PAK3: variants seen among roughly 807,000 people sequenced by gnomAD.
PAK3 encodes p21 (RAC1) activated kinase 3.
PAK3 carries 4 observed loss-of-function variants against 41.0 expected under a neutral mutation model. The observed-to-expected ratio is 0.10, with a 90% confidence interval of 0.05 to 0.22. The LOEUF is 0.22. Ranked by LOEUF, PAK3 falls within the 10% of genes least tolerant of loss-of-function variation. The probability of loss-of-function intolerance (pLI) is 1.00; values close to 1 mark genes in which losing one functional copy is unlikely to be tolerated. For missense variants in PAK3, 205 were observed against 409.9 expected (o/e 0.50, Z 4.32); for synonymous variants, 146 against 139.6 (o/e 1.05, Z -0.32).
chrX:111,151,838 C>T (rs752072738), intron 7 of PAK3, among the ~76,000 whole-genome samples: 9 of 111,539 alleles, frequency 8.1e-5, no homozygotes, highest in Non-Finnish European at 9.4e-5. Context: ...GTGATAGCTC[C>T]GCAGTTGTTC....
At chrX:111,021,093 A>G (rs544179793) in intron 1 of PAK3, among the ~76,000 whole-genome samples, 1 of 111,815 alleles carries the variant, frequency 8.9e-6, no homozygotes, top group African/African-American at 3.3e-5. Context: ...GACAAATGTC[A>G]TAATCTCTTG....
Position 111,058,187 on chromosome X carries a change from G to C in PAK3, c.-27-64890G>C, listed in dbSNP as rs1259442110. 8.1e-5 allele frequency among the ~76,000 whole-genome samples: 9 copies of C among 111,539 alleles called. No homozygotes were observed. The East Asian group carries it at 2.6e-3, about 32-fold the overall frequency. On this transcript the variant is annotated intron_variant, in intron 1 of 14. Coordinates refer to the PAK3 transcript ENST00000425146. ...GGGCGTGTGTTTTCATTTCACTTGG[G>C]TATATACCTAGGAGTGAAATTGTTC...
chrX:111,197,998 T>C (rs1208710574), intron 16 of PAK3, among the ~76,000 whole-genome samples: 1 of 112,167 alleles, frequency 8.9e-6, no homozygotes, highest in Non-Finnish European at 1.9e-5. Context: ...CCTAGCCCCT[T>C]TTTGACTTTT....
intron 1 of PAK3, among the ~76,000 whole-genome samples, chrX:111,076,294 A>G (rs1386231616): frequency 2.7e-5 from 3 of 111,869 alleles, no homozygotes; most frequent in African/African-American, 9.8e-5. Context: ...TGTGATTCCA[A>G]TGTTGGAGGT....
intron 1 of PAK3, among the ~76,000 whole-genome samples, chrX:111,050,863 G>T (rs188522766): frequency 5.3e-5 from 6 of 112,252 alleles, no homozygotes; most frequent in East Asian, 2.8e-4. Flanking sequence ...GTTTGGTTTT[G>T]ATTGCAGGGC....
At chrX:111,062,027 C>T (rs1280208762) in intron 1 of PAK3, among the ~76,000 whole-genome samples, 2 of 110,941 alleles carry the variant, frequency 1.8e-5, no homozygotes, top group Non-Finnish European at 3.8e-5. Flanking sequence ...TATGTTGTCC[C>T]AGCTGAACTT....
intron 1 of PAK3, among the ~76,000 whole-genome samples, chrX:110,946,142 G>C (rs1381743537): frequency 2.7e-5 from 3 of 111,230 alleles, no homozygotes; most frequent in African/African-American, 9.8e-5. Context: ...ATCAAGAAAG[G>C]CTTCATGGGC....
At chrX:111,025,811 T>C in intron 1 of PAK3, among the ~76,000 whole-genome samples, 1 of 106,522 alleles carries the variant, frequency 9.4e-6, no homozygotes. Flanking sequence ...GACTAATACC[T>C]TAATACCAAA....
intron 6 of PAK3, among the ~76,000 whole-genome samples, chrX:111,143,603 T>G (rs953433664): frequency 1.8e-5 from 2 of 111,235 alleles, no homozygotes; most frequent in African/African-American, 6.5e-5. Flanking sequence ...CACACTTAGA[T>G]ACTCCAACCT....
chrX:111,161,378 A>G (rs2094185716), intron 8 of PAK3, among the ~76,000 whole-genome samples: 1 of 111,237 alleles, frequency 9.0e-6, no homozygotes, highest in Non-Finnish European at 1.9e-5. Flanking sequence ...CCTTTGTCAG[A>G]TGAGTAGGTT....
chrX:111,113,237 C>T (rs747027940), intron 4 of PAK3, among the ~76,000 whole-genome samples: 5 of 111,922 alleles, frequency 4.5e-5, no homozygotes, highest in African/African-American at 1.6e-4. Flanking sequence ...CCCTCCAAAG[C>T]ATCTTGTGCC....
At chrX:111,040,518 A>G (rs763064533) in intron 1 of PAK3, among the ~76,000 whole-genome samples, 1 of 111,949 alleles carries the variant, frequency 8.9e-6, no homozygotes, top group Admixed American at 9.5e-5. Context: ...GCAGTATGAC[A>G]GAGTGGTTAA....
At chrX:111,160,440 C>CATTTTGTTTTATTTT (rs756064562) in intron 8 of PAK3, among the ~76,000 whole-genome samples, 10 of 107,545 alleles carry the variant, frequency 9.3e-5, no homozygotes, top group African/African-American at 3.2e-4. Context: ...AGGCTAGCCA[C>CATTTTGTTTTATTTT]ATTTTATTTT....
chrX:111,083,340 C>T (rs749580650), intron 1 of PAK3, among the ~76,000 whole-genome samples: 2 of 112,433 alleles, frequency 1.8e-5, no homozygotes, highest in Non-Finnish European at 3.8e-5. Flanking sequence ...TCCCTTACCT[C>T]ATTCTGGTTC....
At chrX:111,166,059 C>T (rs181141797) in intron 10 of PAK3, among the ~76,000 whole-genome samples, 5 of 110,649 alleles carry the variant, frequency 4.5e-5, no homozygotes, top group South Asian at 3.9e-4. Flanking sequence ...GACTGCCAAC[C>T]TTACATTGGA....
intron 1 of PAK3, among the ~76,000 whole-genome samples, chrX:110,975,785 G>A (rs1305668200): frequency 9.0e-6 from 1 of 111,209 alleles, no homozygotes; most frequent in East Asian, 2.8e-4. Context: ...GAATAGAATA[G>A]AGGCCTCAGA....
At chrX:111,113,132 A>G (rs1395230423) in intron 4 of PAK3, among the ~76,000 whole-genome samples, 1 of 111,223 alleles carries the variant, frequency 9.0e-6, no homozygotes, top group Non-Finnish European at 1.9e-5. Flanking sequence ...CCTACCTTTC[A>G]AATCCTATTG....
chrX:111,018,991 G>A (rs2092131763), intron 1 of PAK3, among the ~76,000 whole-genome samples: 2 of 111,157 alleles, frequency 1.8e-5, no homozygotes, highest in East Asian at 2.8e-4. Flanking sequence ...CATTCAATAG[G>A]GAAAGAGCAA....
intron 11 of PAK3, among the ~76,000 whole-genome samples, chrX:111,186,370 C>G (rs1239024195): frequency 9.0e-6 from 1 of 111,357 alleles, no homozygotes; most frequent in African/African-American, 3.3e-5. Flanking sequence ...TTGCAGACGA[C>G]ATGATTGTAT....
Sources: allele counts gnomAD v4.1 joint callset (sites outside exome capture counted in the v4.1 genomes callset), GRCh38; gene constraint gnomAD v4.1.1; transcripts MANE v1.5; gene names NCBI Gene and HGNC (gene_info 2026-07-23, HGNC 2026-07-21).